The following OR2L13 variants were observed in gnomAD, a reference collection of about 807,000 sequenced individuals.
The protein encoded by OR2L13 is olfactory receptor 2L13.
In OR2L13, 14 loss-of-function variants were observed where a neutral mutation model predicts 15.3. That is an observed-to-expected ratio of 0.91 (90% CI 0.60 to 1.43). OR2L13 has a LOEUF of 1.43. OR2L13 is among the 40% of genes most tolerant of loss of function. The pLI is 0.00. For synonymous variants in OR2L13, 152 were observed against 142.9 expected, an observed-to-expected ratio of 1.06 and a Z score of -0.45; for missense variants, 367 against 387.9, an observed-to-expected ratio of 0.95 and a Z score of 0.45.
At chr1:248,083,681 T>C in the OR2L13 span, 3,060 of 1,594,672 alleles carry the variant, frequency 1.9e-3, 13 homozygotes, top group African/African-American at 8.9e-3. Context: ...GGTTTACACA[T>C]GTCCCCAGCC....
chr1:248,025,034 A>G, the OR2L13 span, among the ~76,000 whole-genome samples: 3 of 152,204 alleles, frequency 2.0e-5, no homozygotes, highest in East Asian at 3.9e-4. Context: ...GGACATAGGC[A>G]TGGGCAAGGA....
At chr1:248,019,514 G>T in the OR2L13 span, among the ~76,000 whole-genome samples, 2 of 151,994 alleles carry the variant, frequency 1.3e-5, no homozygotes, top group Non-Finnish European at 2.9e-5. Context: ...CTTACACTTA[G>T]GTCTTTGATT....
At chr1:247,953,653 G>A in the OR2L13 span, among the ~76,000 whole-genome samples, 3 of 152,122 alleles carry the variant, frequency 2.0e-5, no homozygotes, top group South Asian at 6.2e-4. Flanking sequence ...AAGAAATTTT[G>A]GTTAACATTA....
At chr1:248,082,660 T>C in the OR2L13 span, among the ~76,000 whole-genome samples, 1 of 152,210 alleles carries the variant, frequency 6.6e-6, no homozygotes, top group Non-Finnish European at 1.5e-5. Context: ...CTTGTGTCTT[T>C]ATAAATAAAA....
chr1:248,022,583 C>A, the OR2L13 span: 1 of 1,614,052 alleles, frequency 6.2e-7, no homozygotes, highest in Non-Finnish European at 8.5e-7. Context: ...CCTTCACTGG[C>A]ATTGCGTGTT....
At chr1:248,074,893 CTTTAAG>C in the OR2L13 span, among the ~76,000 whole-genome samples, 165 of 152,206 alleles carry the variant, frequency 1.1e-3, no homozygotes, top group Non-Finnish European at 1.9e-3. Context: ...TATGGTTACA[CTTTAAG>C]TTTAGGGTAT....
the OR2L13 span, among the ~76,000 whole-genome samples, chr1:247,980,680 G>A: frequency 6.6e-6 from 1 of 152,124 alleles, no homozygotes. Context: ...ACTCTCAGTG[G>A]ACATTCCCCG....
chr1:248,062,642 A>T, the OR2L13 span: 5 of 152,244 alleles, frequency 3.3e-5, no homozygotes, highest in Non-Finnish European at 7.3e-5. Flanking sequence ...AGAATGAATA[A>T]GAGTATTTGA....
the OR2L13 span, among the ~76,000 whole-genome samples, chr1:248,068,436 TC>T: frequency 6.6e-6 from 1 of 152,086 alleles, no homozygotes; most frequent in East Asian, 1.9e-4. Flanking sequence ...CAGCTGAGGG[TC>T]CTGTCTGTTA....
At chr1:247,969,545 C>T in the OR2L13 span, among the ~76,000 whole-genome samples, 8 of 152,174 alleles carry the variant, frequency 5.3e-5, no homozygotes, top group Non-Finnish European at 1.0e-4. Flanking sequence ...AATTACTTTA[C>T]AAATGCTATC....
chr1:248,010,763 G>GTTTTTTTTTTTTTTTTTTTTTTTTTGT, the OR2L13 span, among the ~76,000 whole-genome samples: 1 of 44,462 alleles, frequency 2.2e-5, no homozygotes, highest in Non-Finnish European at 3.7e-5. Flanking sequence ...CTTTGTTGTT[G>GTTTTTTTTTTTTTTTTTTTTTTTTTGT]TTTTTTTTTT....
the OR2L13 span, among the ~76,000 whole-genome samples, chr1:247,988,758 C>T: frequency 6.6e-6 from 1 of 152,164 alleles, no homozygotes; most frequent in African/African-American, 2.4e-5. Flanking sequence ...ACCACCTATA[C>T]CCAGGAAACT....
At chr1:248,073,016 A>C in the OR2L13 span, among the ~76,000 whole-genome samples, 753 of 152,014 alleles carry the variant, frequency 5.0e-3, 1 homozygote, top group Middle Eastern at 0.014. Context: ...GAACACTTTT[A>C]CACTGTTGGT....
At chr1:248,006,182 G>A in the OR2L13 span, among the ~76,000 whole-genome samples, 1 of 151,804 alleles carries the variant, frequency 6.6e-6, no homozygotes, top group South Asian at 2.1e-4. Context: ...CTACCAATCT[G>A]AGCCCAGTCA....
the OR2L13 span, among the ~76,000 whole-genome samples, chr1:248,012,288 C>T: frequency 1.3e-5 from 2 of 152,280 alleles, no homozygotes; most frequent in Middle Eastern, 3.4e-3. Flanking sequence ...GGCCACCCTG[C>T]CACAATCCTG....
At chr1:247,999,697 G>A in the OR2L13 span, among the ~76,000 whole-genome samples, 33 of 152,190 alleles carry the variant, frequency 2.2e-4, no homozygotes, top group African/African-American at 6.3e-4. Context: ...GACTCCAGAG[G>A]ACACTCTTCT....
At chr1:247,974,653 G>C in the OR2L13 span, 1 of 201,536 alleles carries the variant, frequency 5.0e-6, no homozygotes, top group African/African-American at 2.4e-5. Context: ...GCATTCCCTG[G>C]AGGTCTTGGA....
the OR2L13 span, among the ~76,000 whole-genome samples, chr1:248,043,131 T>A: frequency 0.3 from 46,002 of 151,924 alleles, 11,257 homozygotes; most frequent in African/African-American, 0.68. Context: ...AGGTAGCCTT[T>A]GAGGATTTGC....
chr1:248,069,963 A>C, the OR2L13 span, among the ~76,000 whole-genome samples: 1 of 152,128 alleles, frequency 6.6e-6, no homozygotes, highest in Non-Finnish European at 1.5e-5. Context: ...AGGAGCACCC[A>C]GATTCATAAA....
Sources: gnomAD v4.1 joint callset for allele counts (sites outside exome capture counted in the v4.1 genomes callset) on GRCh38, gnomAD v4.1.1 for gene constraint, MANE v1.5 for transcripts, NCBI Gene and HGNC (gene_info 2026-07-23, HGNC 2026-07-21) for gene names.